Variants in C11orf65 observed in about 807,000 individuals in gnomAD.
C11orf65 encodes protein MFI.
A neutral mutation model predicts 35.3 loss-of-function variants in C11orf65; 38 were observed. The observed-to-expected ratio is 1.08, with a 90% CI of 0.83 to 1.41. The LOEUF (loss-of-function observed/expected upper bound fraction) is 1.41. C11orf65 is among the 40% of genes most tolerant of loss of function. C11orf65 has a pLI of 0.00. For missense variants in C11orf65, 370 were observed against 367.1 expected, an observed-to-expected ratio of 1.01 and a Z score of -0.06; for synonymous variants, 105 against 114.4, an observed-to-expected ratio of 0.92 and a Z score of 0.53.
At chr11:108,459,621 T>G (rs116482867) in intron 2 of C11orf65, among the ~76,000 whole-genome samples, 1,991 of 152,204 alleles carry the variant, frequency 0.013, 51 homozygotes, top group African/African-American at 0.045. Flanking sequence ...GATAAAATTT[T>G]TATCTGCTCA....
intron 2 of C11orf65, among the ~76,000 whole-genome samples, chr11:108,374,282 A>T (rs1346878792): frequency 1.3e-5 from 2 of 152,194 alleles, no homozygotes; most frequent in Admixed American, 6.5e-5. Context: ...TACTCCTCTG[A>T]GACAAAACTT....
chr11:108,368,186 AGATGACAGAATTAAGATT>A (rs2091429887), intron 2 of C11orf65: 1 of 206,462 alleles, frequency 4.8e-6, no homozygotes, highest in Admixed American at 5.9e-5. Context: ...ACTAATTCAC[AGATGACAGAATTAAGATT>A]ATAAAAGATT....
Position 108,361,485 on chromosome 11 carries a change from G to A in C11orf65, c.227-26193C>T, listed in dbSNP as rs78488554. On this transcript the variant is annotated intron_variant, in intron 2 of 3. Coordinates refer to the C11orf65 transcript ENST00000524755. ...ATGGAACCAAAAAAGAGCCCGCATCGGCAAGTCAATCCTAAGCCAAAAGAA... is the reference window on the plus strand; with the variant it reads ...ATGGAACCAAAAAAGAGCCCGCATCAGCAAGTCAATCCTAAGCCAAAAGAA... Among the ~76,000 whole-genome samples, 1,386 of 151,898 alleles carry A rather than the reference G, an allele frequency of 9.1e-3. 19 individuals carry two copies. Among genetic ancestry groups the A allele is most frequent in the African/African-American group, 0.031 (1,286 of 41,408 alleles).
At chr11:108,314,248 T>G (rs1385916699) in intron 6 of C11orf65, among the ~76,000 whole-genome samples, 1 of 152,084 alleles carries the variant, frequency 6.6e-6, no homozygotes, top group African/African-American at 2.4e-5. Context: ...CACAAGTAGC[T>G]GGGACTACAG....
intron 8 of C11orf65, among the ~76,000 whole-genome samples, chr11:108,384,786 AAAACAAAC>A (rs777533993): frequency 6.6e-6 from 1 of 152,048 alleles, no homozygotes; most frequent in Non-Finnish European, 1.5e-5. Context: ...AACAAAAACA[AAAACAAAC>A]AAACAAACAA....
chr11:108,365,679 G>C, intron 2 of C11orf65: 1 of 850,514 alleles, frequency 1.2e-6, no homozygotes, highest in Non-Finnish European at 1.8e-6. Flanking sequence ...AAAATGTTTT[G>C]ATGGTCTTAA....
chr11:108,344,543 AT>A (rs2088048759), intron 2 of C11orf65, among the ~76,000 whole-genome samples: 1 of 152,182 alleles, frequency 6.6e-6, no homozygotes, highest in Non-Finnish European at 1.5e-5. Context: ...TCAGACTTGC[AT>A]TTTAGAAAGA....
chr11:108,333,826 G>C (rs2136605978), intron 3 of C11orf65: 1 of 1,333,976 alleles, frequency 7.5e-7, no homozygotes, highest in Admixed American at 1.7e-5. Context: ...GACTATTCCT[G>C]CTTGACCTTC....
chr11:108,452,391 A>G (rs771315850), intron 2 of C11orf65, among the ~76,000 whole-genome samples: 140 of 152,360 alleles, frequency 9.2e-4, no homozygotes, highest in Non-Finnish European at 3.4e-4. Flanking sequence ...CAACAGACAC[A>G]TGAAAAAATG....
rs587781698 is a variant in C11orf65, at chr11:108,365,335, C to G, written c.226+27873G>C. The G allele has an allele frequency of 6.2e-7, 1 of 1,614,144 alleles. No homozygotes were observed. Among genetic ancestry groups the G allele is most frequent in the Non-Finnish European group, 8.5e-7 (1 of 1,180,036 alleles). On this transcript the variant is annotated intron_variant, in intron 2 of 3. Coordinates refer to the C11orf65 transcript ENST00000524755. ...TGTTTTTGTCCTTAGTGATATTGACCAGAGTTTCAACAAAGTAGCTGAACG... is the reference window on the plus strand; with the variant it reads ...TGTTTTTGTCCTTAGTGATATTGACGAGAGTTTCAACAAAGTAGCTGAACG...
In C11orf65 at chr11:108,365,113, C is replaced by T. The variant is rs1591384581; in HGVS notation, c.226+28095G>A. The T allele has an allele frequency of 6.2e-7, 1 of 1,614,092 alleles. No homozygotes were observed. The highest frequency in any genetic ancestry group is 2.2e-5 in the East Asian group (1 of 44,878). ...CTATATGATCCACTCTTTGACTGGA[C>T]CATGAATCCTTTGAAAGCTTTGTAT... On this transcript the variant is annotated intron_variant, in intron 2 of 3. Coordinates refer to the C11orf65 transcript ENST00000524755.
At chr11:108,333,904 C>G (rs876660877) in intron 3 of C11orf65, 1 of 1,609,958 alleles carries the variant, frequency 6.2e-7, no homozygotes, top group Non-Finnish European at 8.5e-7. Context: ...AATATTCCAG[C>G]AGACCAGCCA....
intron 2 of C11orf65, among the ~76,000 whole-genome samples, chr11:108,436,834 G>A (rs1050981081): frequency 1.3e-5 from 2 of 151,952 alleles, no homozygotes; most frequent in Non-Finnish European, 2.9e-5. Flanking sequence ...TGCTGAGGGG[G>A]GAAAAATCCC....
chr11:108,308,976 A>G (rs1368046378), exon 7 of C11orf65: 1 of 1,516,320 alleles, frequency 6.6e-7, no homozygotes, highest in Non-Finnish European at 8.9e-7. Context: ...CAGACTTACC[A>G]TTGGGGTAGA....
rs112701513 is a variant in C11orf65, at chr11:108,455,815, CAAAAA to C, written c.81+5659_81+5663del. Among the ~76,000 whole-genome samples, 9 of 56,190 alleles carry C rather than the reference CAAAAA, an allele frequency of 1.6e-4. No homozygotes were observed. In the Admixed American group the frequency reaches 2.4e-3, roughly 15 times the overall value. The allele number at this position is 56,190 out of a possible 152,430, so 36.9% of individuals were successfully genotyped here. A position where few individuals can be genotyped will look rare whatever the true frequency, so the allele number is the denominator to read the frequency against. On this transcript the variant is annotated intron_variant, in intron 2 of 8. Transcript: ENST00000393084. ...TGGGTGACAGAGCAAGACTCCACCT[CAAAAA>C]AAAAAAAAAAAAAAAAAAAACATGG...
At chr11:108,435,033 T>C (rs2093042354) in intron 2 of C11orf65, among the ~76,000 whole-genome samples, 2 of 152,238 alleles carry the variant, frequency 1.3e-5, no homozygotes, top group Admixed American at 1.3e-4. Context: ...CGACATCCTC[T>C]ATGTTGTAGT....
chr11:108,361,586 G>T (rs1248724079), intron 2 of C11orf65, among the ~76,000 whole-genome samples: 2 of 151,872 alleles, frequency 1.3e-5, no homozygotes, highest in African/African-American at 4.8e-5. Context: ...CATGGTACTG[G>T]TACCAAAACA....
intron 2 of C11orf65, among the ~76,000 whole-genome samples, chr11:108,459,726 T>TACACACAC (rs60928526): frequency 0.068 from 9,364 of 138,516 alleles, 390 homozygotes; most frequent in East Asian, 0.12. Context: ...GTCCTCCGTC[T>TACACACAC]ACACACACAC....
At chr11:108,446,159 G>T (rs1046250325) in intron 2 of C11orf65, among the ~76,000 whole-genome samples, 5 of 152,064 alleles carry the variant, frequency 3.3e-5, no homozygotes. Context: ...CGTCTGATTG[G>T]TGTACCTGAA....
Sources: allele counts gnomAD v4.1 joint callset (sites outside exome capture counted in the v4.1 genomes callset), GRCh38; gene constraint gnomAD v4.1.1; transcripts MANE v1.5; gene names NCBI Gene and HGNC (gene_info 2026-07-23, HGNC 2026-07-21).